ADK: variants seen among roughly 807,000 people sequenced by gnomAD.
ADK encodes the protein adenosine kinase.
In ADK, 24 loss-of-function variants were observed where a neutral mutation model predicts 44.7. The ratio of observed to expected loss-of-function variants is 0.54; its 90% confidence interval spans 0.39 to 0.76. The LOEUF (loss-of-function observed/expected upper bound fraction) is 0.76. ADK is among the 30% of genes least tolerant of loss of function. ADK has a pLI of 0.00. For synonymous variants in ADK, 128 were observed against 142.6 expected (o/e 0.90, Z 0.73); for missense variants, 321 against 425.1 (o/e 0.76, Z 2.15).
chr10:74,626,923 A>G (rs1853225945), intron 9 of ADK, among the ~76,000 whole-genome samples: 2 of 152,176 alleles, frequency 1.3e-5, no homozygotes, highest in Non-Finnish European at 2.9e-5. Flanking sequence ...ATTCCCATAA[A>G]TTGTGGAACA....
intron 3 of ADK, among the ~76,000 whole-genome samples, chr10:74,239,440 T>A (rs773797341): frequency 6.6e-5 from 10 of 152,154 alleles, no homozygotes; most frequent in Non-Finnish European, 1.0e-4. Flanking sequence ...CTAGGCACAG[T>A]GGCTCATGCC....
intron 9 of ADK, among the ~76,000 whole-genome samples, chr10:74,602,105 C>A (rs1288006559): frequency 5.9e-4 from 29 of 48,798 alleles, no homozygotes; most frequent in South Asian, 1.0e-3. Flanking sequence ...ACCCTGTCTC[C>A]AAAAAAAAAA....
chr10:74,192,352 T>G (rs1258634882), intron 1 of ADK, among the ~76,000 whole-genome samples: 2 of 152,022 alleles, frequency 1.3e-5, no homozygotes, highest in Non-Finnish European at 2.9e-5. Flanking sequence ...CTCAGCCTCC[T>G]GAGTAGCTGG....
chr10:74,593,203 T>G (rs1387405312), intron 8 of ADK, among the ~76,000 whole-genome samples: 3 of 152,198 alleles, frequency 2.0e-5, no homozygotes, highest in Non-Finnish European at 4.4e-5. Flanking sequence ...GCAGTGTTGT[T>G]TTTGTAGGTG....
chr10:74,164,922 C>T (rs1388803592), intron 1 of ADK, among the ~76,000 whole-genome samples: 1 of 152,168 alleles, frequency 6.6e-6, no homozygotes, highest in Non-Finnish European at 1.5e-5. Flanking sequence ...TTCTTTGTTT[C>T]CCAAGATGTT....
Position 74,460,577 on chromosome 10 carries a change from A to C in ADK, c.555+61998A>C, listed in dbSNP as rs548510874. Among the ~76,000 whole-genome samples, 40 of 152,304 alleles carry C rather than the reference A, an allele frequency of 2.6e-4. No homozygotes were observed. In the South Asian group the frequency reaches 7.9e-3, roughly 30 times the overall value. On this transcript the variant is annotated intron_variant, in intron 6 of 10. Coordinates refer to ENST00000539909, the MANE Select transcript of ADK (RefSeq NM_006721.4). Reference sequence around the variant, plus strand: ...TGAAGGATACTTAGCTTTTTCTAATAATTCAGTTATGATTTTATATTCAAT... The same window carrying C: ...TGAAGGATACTTAGCTTTTTCTAATCATTCAGTTATGATTTTATATTCAAT...
intron 3 of ADK, among the ~76,000 whole-genome samples, chr10:74,229,644 G>A (rs890191277): frequency 7.2e-5 from 11 of 152,148 alleles, no homozygotes; most frequent in African/African-American, 2.4e-4. Context: ...TGATCTGCCC[G>A]TCTTGGCCTC....
Position 74,605,257 on chromosome 10 carries a change from C to G in ADK, c.877+4764C>G, listed in dbSNP as rs147054062. On this transcript the variant is annotated intron_variant, in intron 9 of 10. Transcript: ENST00000539909. ...TATTTCTTTCTCTTGCCTGATTGCC[C>G]TGGTCAGAACTTCCAATACCATGTT... Among the ~76,000 whole-genome samples the G allele has an allele frequency of 4.0e-3, 606 of 152,260 alleles. 7 individuals carry two copies. The highest frequency in any genetic ancestry group is 0.014 in the African/African-American group (570 of 41,548).
chr10:74,253,423 C>T (rs1490766595), intron 3 of ADK, among the ~76,000 whole-genome samples: 3 of 152,112 alleles, frequency 2.0e-5, no homozygotes, highest in Admixed American at 1.3e-4. Flanking sequence ...ACATGGCACA[C>T]TGGTGGGTGT....
chr10:74,224,308 T>A (rs998903293), intron 2 of ADK, among the ~76,000 whole-genome samples: 1 of 152,226 alleles, frequency 6.6e-6, no homozygotes, highest in Non-Finnish European at 1.5e-5. Flanking sequence ...CAGAAGAATA[T>A]TGAAGATCTT....
Position 74,176,485 on chromosome 10 carries a change from G to A in ADK, c.66-24279G>A. On this transcript the variant is annotated intron_variant, in intron 1 of 10. Coordinates refer to ENST00000539909, the MANE Select transcript of ADK (RefSeq NM_006721.4). ...CGTGACTGCTAAACCGGTTGCCAGAGGCGCGGCCATTTTTGGGGCGGGCAC... is the reference window on the plus strand; with the variant it reads ...CGTGACTGCTAAACCGGTTGCCAGAAGCGCGGCCATTTTTGGGGCGGGCAC... The A allele has an allele frequency of 2.6e-6, 3 of 1,158,452 alleles. No homozygotes were observed. In the South Asian group the frequency reaches 6.7e-5, roughly 26 times the overall value. 71.8% of individuals were successfully genotyped at this position (1,158,452 alleles called of 1,614,324 possible).
intron 6 of ADK, among the ~76,000 whole-genome samples, chr10:74,404,062 C>T (rs546191731): frequency 6.6e-5 from 10 of 151,890 alleles, no homozygotes; most frequent in Admixed American, 2.6e-4. Flanking sequence ...TTAGTAGAGA[C>T]GGGGTTTCAC....
At chr10:74,682,793 C>CT (rs546708489) in intron 10 of ADK, among the ~76,000 whole-genome samples, 31 of 152,144 alleles carry the variant, frequency 2.0e-4, no homozygotes, top group African/African-American at 5.5e-4. Flanking sequence ...AGAATGGTCT[C>CT]TAACTCCTGA....
chr10:74,656,677 G>C (rs1000559009), intron 9 of ADK, among the ~76,000 whole-genome samples: 1 of 152,130 alleles, frequency 6.6e-6, no homozygotes, highest in Non-Finnish European at 1.5e-5. Context: ...GACAAAAATG[G>C]GGATGATACC....
chr10:74,673,243 A>G (rs1855248663), intron 10 of ADK, among the ~76,000 whole-genome samples: 1 of 152,238 alleles, frequency 6.6e-6, no homozygotes, highest in Non-Finnish European at 1.5e-5. Context: ...GCTAAGCAGT[A>G]GAATCGATTG....
At chr10:74,372,001 T>G in intron 4 of ADK, 1 of 786,684 alleles carries the variant, frequency 1.3e-6, no homozygotes, top group Non-Finnish European at 2.3e-6. Flanking sequence ...CCTCTGCACT[T>G]TGTGGACATT....
At chr10:74,207,043 C>T (rs973800277) in intron 2 of ADK, among the ~76,000 whole-genome samples, 2 of 152,042 alleles carry the variant, frequency 1.3e-5, no homozygotes, top group East Asian at 1.9e-4. Context: ...TGTGAGCAAG[C>T]GAATATGGGA....
intron 6 of ADK, among the ~76,000 whole-genome samples, chr10:74,425,516 C>CA (rs143289138): frequency 0.017 from 2,304 of 134,864 alleles, 26 homozygotes; most frequent in African/African-American, 0.031. Flanking sequence ...CTGTCCAGGG[C>CA]AAAAAAAAAA....
chr10:74,176,550 T>C lies in ADK; in HGVS notation c.66-24214T>C, dbSNP rs543303285. On this transcript the variant is annotated intron_variant, in intron 1 of 10. Transcript: ENST00000539909. ...TGTAAACTGCGGGGTGACGGGACGCTGTTACTAGGACTCAAGATGGCCACC... is the reference window on the plus strand; with the variant it reads ...TGTAAACTGCGGGGTGACGGGACGCCGTTACTAGGACTCAAGATGGCCACC... The C allele has an allele frequency of 5.4e-6, 7 of 1,305,632 alleles. No individual in the cohort carries two copies. The East Asian group carries it at 1.9e-4, about 36-fold the overall frequency. The allele number at this position is 1,305,632 out of a possible 1,614,324, so 80.9% of individuals were successfully genotyped here. A position where few individuals can be genotyped will look rare whatever the true frequency, so the allele number is the denominator to read the frequency against.
Sources: allele counts gnomAD v4.1 joint callset (sites outside exome capture counted in the v4.1 genomes callset), GRCh38; gene constraint gnomAD v4.1.1; transcripts MANE v1.5; gene names NCBI Gene and HGNC (gene_info 2026-07-23, HGNC 2026-07-21).